The following PITPNC1 variants were observed in gnomAD, a reference collection of about 807,000 sequenced individuals.
PITPNC1 encodes the protein phosphatidylinositol transfer protein cytoplasmic 1, also known as cytoplasmic phosphatidylinositol transfer protein 1.
Under a neutral mutation model 44.7 loss-of-function variants are expected in PITPNC1, and 18 were observed. The observed-to-expected ratio is 0.40, with a 90% CI of 0.28 to 0.60. The LOEUF is 0.60. PITPNC1 is among the 20% of genes least tolerant of loss of function. The pLI is 0.39. For missense variants in PITPNC1, 290 were observed against 418.4 expected (o/e 0.69, Z 2.68); for synonymous variants, 141 against 149.6 (o/e 0.94, Z 0.42).
chr17:67,420,478 G>A (rs1035177279), intron 1 of PITPNC1, among the ~76,000 whole-genome samples: 1 of 148,334 alleles, frequency 6.7e-6, no homozygotes, highest in African/African-American at 2.5e-5. Context: ...CTGTTGCCAG[G>A]CTGGAGCTCG....
chr17:67,517,105 A>G (rs2040269050), intron 1 of PITPNC1, among the ~76,000 whole-genome samples: 1 of 152,212 alleles, frequency 6.6e-6, no homozygotes, highest in African/African-American at 2.4e-5. Context: ...ATTGTCCTTG[A>G]GGCATAATGA....
chr17:67,582,286 A>G (rs190795345), intron 5 of PITPNC1, among the ~76,000 whole-genome samples: 75 of 152,268 alleles, frequency 4.9e-4, no homozygotes, highest in African/African-American at 1.8e-3. Context: ...GCAGTGCAGT[A>G]GTGGATAATT....
chr17:67,657,218 T>G (rs1428685319), intron 6 of PITPNC1, among the ~76,000 whole-genome samples: 1 of 149,456 alleles, frequency 6.7e-6, no homozygotes, highest in African/African-American at 2.5e-5. Context: ...TTCAAAAGCA[T>G]TTACCTGGAT....
chr17:67,674,851 A>G (rs1164968886), intron 7 of PITPNC1, among the ~76,000 whole-genome samples: 1 of 151,986 alleles, frequency 6.6e-6, no homozygotes, highest in East Asian at 1.9e-4. Context: ...ATCTCTATTA[A>G]AAATACAAAA....
chr17:67,413,392 T>A (rs958075949), intron 1 of PITPNC1, among the ~76,000 whole-genome samples: 3 of 152,146 alleles, frequency 2.0e-5, no homozygotes, highest in Non-Finnish European at 4.4e-5. Context: ...CACTTTATAA[T>A]GTGCTTAATT....
intron 6 of PITPNC1, among the ~76,000 whole-genome samples, chr17:67,632,721 C>T (rs1471742931): frequency 6.6e-6 from 1 of 152,014 alleles, no homozygotes; most frequent in Non-Finnish European, 1.5e-5. Context: ...GCGCCCACCA[C>T]CATACCTGGC....
intron 1 of PITPNC1, among the ~76,000 whole-genome samples, chr17:67,439,256 G>C (rs745804779): frequency 6.6e-6 from 1 of 152,120 alleles, no homozygotes; most frequent in South Asian, 2.1e-4. Context: ...ATTTTACCAA[G>C]CACTGTATTT....
chr17:67,554,589 G>A (rs940860114), intron 4 of PITPNC1, among the ~76,000 whole-genome samples: 1 of 152,168 alleles, frequency 6.6e-6, no homozygotes, highest in African/African-American at 2.4e-5. Context: ...TGTGTTAAGA[G>A]TTGAGTTTTT....
In PITPNC1 at chr17:67,492,659, G is replaced by A. The variant is rs114907397; in HGVS notation, c.49-40143G>A. ...CAAAACCCTGGAAACTCCCCCTCAA[G>A]CCTAGTTTCTGTTTTCACACCGCCC... On this transcript the variant is annotated intron_variant, in intron 1 of 8. Coordinates refer to ENST00000581322, the MANE Select transcript of PITPNC1 (RefSeq NM_012417.4). Among the ~76,000 whole-genome samples the A allele has an allele frequency of 4.5e-3, 688 of 152,202 alleles. 5 individuals are homozygous for A. The highest frequency in any genetic ancestry group is 0.016 in the African/African-American group (645 of 41,540).
chr17:67,598,095 G>A (rs2041483534), intron 5 of PITPNC1, among the ~76,000 whole-genome samples: 2 of 151,990 alleles, frequency 1.3e-5, no homozygotes, highest in Non-Finnish European at 2.9e-5. Context: ...AGTGGTGCGT[G>A]CCCGTAATTC....
intron 5 of PITPNC1, among the ~76,000 whole-genome samples, chr17:67,584,198 G>A (rs1185271911): frequency 6.6e-6 from 1 of 152,094 alleles, no homozygotes; most frequent in East Asian, 1.9e-4. Flanking sequence ...GTTTACAAAA[G>A]GCATATGTAA....
intron 1 of PITPNC1, among the ~76,000 whole-genome samples, chr17:67,400,232 T>C (rs1160542896): frequency 6.6e-6 from 1 of 152,210 alleles, no homozygotes; most frequent in Non-Finnish European, 1.5e-5. Flanking sequence ...CCAGTGGGAA[T>C]GTTGTGTCAT....
chr17:67,661,857 G>A (rs964529714), intron 6 of PITPNC1, among the ~76,000 whole-genome samples: 1 of 151,968 alleles, frequency 6.6e-6, no homozygotes, highest in Non-Finnish European at 1.5e-5. Context: ...ATTAGCCAGT[G>A]TGGTGGCACG....
At chr17:67,652,241 G>C (rs749789497) in intron 6 of PITPNC1, among the ~76,000 whole-genome samples, 2 of 152,192 alleles carry the variant, frequency 1.3e-5, no homozygotes, top group Non-Finnish European at 2.9e-5. Context: ...CCTCCAAGAT[G>C]CAAGCTCAGC....
At chr17:67,540,068 ACATTTTATTT>A (rs1304801215) in intron 2 of PITPNC1, among the ~76,000 whole-genome samples, 2 of 123,004 alleles carry the variant, frequency 1.6e-5, no homozygotes, top group Non-Finnish European at 3.3e-5. Context: ...TGTATCTACT[ACATTTTATTT>A]TATTTTATTT....
chr17:67,640,179 T>C (rs548131407), intron 6 of PITPNC1, among the ~76,000 whole-genome samples: 12 of 152,236 alleles, frequency 7.9e-5, no homozygotes, highest in African/African-American at 2.6e-4. Context: ...TGCATGCTTC[T>C]TGGAAAATAA....
intron 1 of PITPNC1, among the ~76,000 whole-genome samples, chr17:67,402,706 G>A (rs1010582165): frequency 6.6e-6 from 1 of 152,038 alleles, no homozygotes; most frequent in South Asian, 2.1e-4. Context: ...TCGCTTTGTC[G>A]CCCAGGCTGG....
chr17:67,687,917 G>GA (rs2042846125), intron 8 of PITPNC1, among the ~76,000 whole-genome samples: 2 of 151,746 alleles, frequency 1.3e-5, no homozygotes, highest in Non-Finnish European at 2.9e-5. Context: ...AGATAACAAA[G>GA]AAAAGTGTAA....
At chr17:67,408,306 G>A (rs33998351) in intron 1 of PITPNC1, among the ~76,000 whole-genome samples, 76,096 of 151,696 alleles carry the variant, frequency 0.5, 20,027 homozygotes, top group African/African-American at 0.67. Flanking sequence ...ATGGTGACTC[G>A]CCTGAGGTCA....
Sources: gnomAD v4.1 joint callset for allele counts (sites outside exome capture counted in the v4.1 genomes callset) on GRCh38, gnomAD v4.1.1 for gene constraint, MANE v1.5 for transcripts, NCBI Gene and HGNC (gene_info 2026-07-23, HGNC 2026-07-21) for gene names.